The following FAM169A variants were observed in gnomAD, a reference collection of about 807,000 sequenced individuals.
FAM169A encodes the protein family with sequence similarity 169 member A.
In FAM169A, 24 loss-of-function variants were observed where a neutral mutation model predicts 75.7. The ratio of observed to expected loss-of-function variants is 0.32; its 90% CI spans 0.23 to 0.45. The LOEUF (loss-of-function observed/expected upper bound fraction) is 0.45, where lower values mean the gene tolerates loss of function less well. Among genes scored for constraint, FAM169A ranks in the 20% least tolerant of loss-of-function variants. The pLI, the probability that FAM169A is intolerant of heterozygous loss-of-function variation, is 1.00. For missense variants in FAM169A, 673 were observed against 784.0 expected (o/e 0.86, Z 1.69); for synonymous variants, 271 against 271.0 (o/e 1.00, Z 0.00).
intron 6 of FAM169A, among the ~76,000 whole-genome samples, chr5:74,810,618 C>T (rs1299342156): frequency 6.6e-6 from 1 of 151,372 alleles, no homozygotes; most frequent in East Asian, 2.0e-4. Context: ...GGCGTGGTGG[C>T]GGGCACCTGT....
intron 5 of FAM169A, among the ~76,000 whole-genome samples, chr5:74,827,135 TG>T (rs1292813834): frequency 2.0e-5 from 3 of 152,222 alleles, no homozygotes; most frequent in Non-Finnish European, 2.9e-5. Context: ...TTACTAGTGA[TG>T]TTAACCATAA....
intron 6 of FAM169A, among the ~76,000 whole-genome samples, chr5:74,809,093 G>C (rs1747034380): frequency 6.6e-6 from 1 of 151,932 alleles, no homozygotes; most frequent in African/African-American, 2.4e-5. Flanking sequence ...AGATAAAATA[G>C]AACACTGATA....
intron 11 of FAM169A, among the ~76,000 whole-genome samples, chr5:74,783,613 T>C (rs533719399): frequency 2.0e-5 from 3 of 152,318 alleles, no homozygotes; most frequent in East Asian, 1.9e-4. Context: ...ACCAGTCTTA[T>C]GGGAAGTTCA....
In FAM169A at chr5:74,781,810, G is replaced by T; in HGVS notation, c.1663C>A (p.Pro555Thr). The T allele has an allele frequency of 6.2e-7, 1 of 1,614,048 alleles. No individual in the cohort carries two copies. The highest frequency in any genetic ancestry group is 8.5e-7 in the Non-Finnish European group (1 of 1,179,992). Reference sequence around the variant, plus strand: ...TTAGGAGACAAATTCTCAGAGACCGGTTCTTCGGAAAATTCAGCTATCACA... The same window carrying T: ...TTAGGAGACAAATTCTCAGAGACCGTTTCTTCGGAAAATTCAGCTATCACA... ...NSVIAEFSEE[P>T]VSENLSPNTT... Residue 555 changes from proline (P) to threonine (T), a missense_variant, in exon 13 of 13, where the codon CCG becomes ACG. By Grantham distance (38) the Pro-to-Thr change is conservative. This residue lies in a region of FAM169A where 510 missense variants were observed against 550.9 expected (regional missense o/e 0.93). Coordinates refer to ENST00000687041, the MANE Select transcript of FAM169A (RefSeq NM_001376049.1).
intron 1 of FAM169A, among the ~76,000 whole-genome samples, chr5:74,852,112 A>G (rs1173721377): frequency 4.6e-5 from 7 of 152,176 alleles, no homozygotes; most frequent in Non-Finnish European, 8.8e-5. Flanking sequence ...TTGGCATACC[A>G]TTTGCGAAAT....
chr5:74,801,438 G>A, intron 9 of FAM169A, 152 bp downstream of exon 9: 3 of 672,146 alleles, frequency 4.5e-6, no homozygotes, highest in Non-Finnish European at 7.9e-6. Flanking sequence ...AGTGGCAGTG[G>A]TGGCATGAGA....
chr5:74,809,730 A>T (rs1471474615), intron 6 of FAM169A, among the ~76,000 whole-genome samples: 1 of 152,234 alleles, frequency 6.6e-6, no homozygotes, highest in Non-Finnish European at 1.5e-5. Context: ...ACATGAAGAG[A>T]TACTCAAAAA....
At chr5:74,812,797 T>C (rs1747271366) in intron 6 of FAM169A, among the ~76,000 whole-genome samples, 1 of 152,148 alleles carries the variant, frequency 6.6e-6, no homozygotes, top group Non-Finnish European at 1.5e-5. Flanking sequence ...TAATAAAATA[T>C]ACAGATAACA....
intron 1 of FAM169A, among the ~76,000 whole-genome samples, chr5:74,864,769 C>G (rs1750224755): frequency 6.6e-6 from 1 of 152,158 alleles, no homozygotes; most frequent in South Asian, 2.1e-4. Flanking sequence ...CTGTGAAAGA[C>G]GATCATGTTT....
chr5:74,859,914 G>A (rs1032845648), intron 1 of FAM169A, among the ~76,000 whole-genome samples: 1 of 152,060 alleles, frequency 6.6e-6, no homozygotes, highest in African/African-American at 2.4e-5. Flanking sequence ...GGTGTAGAGA[G>A]ATAATAAAAG....
intron 5 of FAM169A, 139 bp from the exon 6 acceptor site, chr5:74,814,158 A>G: frequency 1.8e-6 from 1 of 553,696 alleles, no homozygotes; most frequent in Non-Finnish European, 3.0e-6. Flanking sequence ...GTTATAATAT[A>G]AAGTGTTTTT....
At chr5:74,802,781 A>G (rs982556201) in intron 8 of FAM169A, among the ~76,000 whole-genome samples, 1 of 152,162 alleles carries the variant, frequency 6.6e-6, no homozygotes, top group African/African-American at 2.4e-5. Flanking sequence ...TTCAATTTAT[A>G]GAACAAAAGC....
At chr5:74,817,346 C>T in intron 5 of FAM169A, among the ~76,000 whole-genome samples, 1 of 151,986 alleles carries the variant, frequency 6.6e-6, no homozygotes, top group Middle Eastern at 3.4e-3. Context: ...TTAAGTTCAG[C>T]AAGGTTGCAG....
rs1396001308 is a variant in FAM169A, at chr5:74,783,110, C to G, written c.1285G>C (p.Gly429Arg). 1 of 1,612,946 alleles carries G rather than the reference C, an allele frequency of 6.2e-7. No individual in the cohort carries two copies. Among genetic ancestry groups the G allele is most frequent in the East Asian group, 2.2e-5 (1 of 44,860 alleles). ...EKESELEPMNGEIMDDSLKTS... is the reference protein window; with the variant it reads ...EKESELEPMNREIMDDSLKTS... ...TTAAGAGAATCGTCCATTATCTCACCATTCATAGGCTCTAATTCAGATTCC... is the reference window on the plus strand; with the variant it reads ...TTAAGAGAATCGTCCATTATCTCACGATTCATAGGCTCTAATTCAGATTCC... The change falls in exon 12 of 13, where the codon GGT becomes CGT. Residue 429 changes from glycine to arginine, a missense_variant. Gly to Arg is a moderately radical substitution (Grantham distance 125, BLOSUM62 -2). Transcript: ENST00000687041.
intron 1 of FAM169A, among the ~76,000 whole-genome samples, chr5:74,863,956 T>G (rs892677296): frequency 6.6e-6 from 1 of 152,208 alleles, no homozygotes; most frequent in African/African-American, 2.4e-5. Flanking sequence ...CAATCTTTGC[T>G]TACTTAAATT....
At position 74,840,227 on chromosome 5, in the gene FAM169A, A is replaced by T. The variant is rs1031688904; in HGVS notation, c.133-54T>A. ...GAACAGTCTGTTAAGAAAATACATT[A>T]AAAAAATCAATCTTTTATCAAAGTA... On this transcript the variant is annotated intron_variant, in intron 2 of 12. Transcript: ENST00000687041. 11 of 739,452 alleles carry T rather than the reference A, an allele frequency of 1.5e-5. No homozygotes were observed. The Admixed American group carries it at 1.6e-4, about 11-fold the overall frequency. 45.8% of individuals were successfully genotyped at this position (739,452 alleles called of 1,614,324 possible). A position where few individuals can be genotyped will look rare whatever the true frequency, so the allele number is the denominator to read the frequency against.
intron 5 of FAM169A, 79 bp downstream of exon 5, chr5:74,834,347 C>A (rs1384153989): frequency 1.7e-5 from 14 of 803,788 alleles, no homozygotes; most frequent in African/African-American, 3.5e-5. Context: ...ATTAATTTAA[C>A]AGAGATATTG....
chr5:74,856,454 T>G (rs184530207), intron 1 of FAM169A, among the ~76,000 whole-genome samples: 1 of 152,352 alleles, frequency 6.6e-6, no homozygotes, highest in East Asian at 1.9e-4. Context: ...CTCTTCAATT[T>G]CTTGCATCAA....
At chr5:74,843,733 G>C (rs551077478) in intron 1 of FAM169A, among the ~76,000 whole-genome samples, 57 of 152,304 alleles carry the variant, frequency 3.7e-4, no homozygotes, top group Middle Eastern at 3.4e-3. Context: ...CATGAACACT[G>C]TTGCATCTAT....
Sources: allele counts gnomAD v4.1 joint callset (sites outside exome capture counted in the v4.1 genomes callset), GRCh38; gene constraint gnomAD v4.1.1; regional missense constraint gnomAD v4.1.1; transcripts MANE v1.5; gene names NCBI Gene and HGNC (gene_info 2026-07-23, HGNC 2026-07-21).